NDST4: variants seen among roughly 807,000 people sequenced by gnomAD.
The protein encoded by NDST4 is N-deacetylase and N-sulfotransferase 4, also known as N-heparan sulfate sulfotransferase 4.
In NDST4, 63 loss-of-function variants were observed where a neutral mutation model predicts 100.8. That is an observed-to-expected ratio of 0.62 (90% CI 0.51 to 0.77). The LOEUF (loss-of-function observed/expected upper bound fraction) is 0.77, where lower values mean the gene tolerates loss of function less well. Ranked by LOEUF, NDST4 falls within the 30% of genes least tolerant of loss-of-function variation. The pLI is 0.00. For missense variants in NDST4, 943 were observed against 1,018.4 expected, an observed-to-expected ratio of 0.93 and a Z score of 1.01; for synonymous variants, 377 against 361.8, an observed-to-expected ratio of 1.04 and a Z score of -0.48.
intron 2 of NDST4, among the ~76,000 whole-genome samples, chr4:115,013,370 T>TATATATATATACAC (rs74678897): frequency 0.021 from 1,496 of 71,408 alleles, 47 homozygotes; most frequent in Non-Finnish European, 0.033. Context: ...TATATATATA[T>TATATATATATACAC]ACACACACAT....
At chr4:114,955,570 A>T (rs1726119225) in intron 4 of NDST4, among the ~76,000 whole-genome samples, 1 of 152,204 alleles carries the variant, frequency 6.6e-6, no homozygotes, top group South Asian at 2.1e-4. Context: ...AGCAATAAAG[A>T]TGCTGCTGCC....
intron 7 of NDST4, among the ~76,000 whole-genome samples, chr4:114,865,070 TC>T (rs1161702448): frequency 7.6e-5 from 10 of 131,674 alleles, no homozygotes; most frequent in Non-Finnish European, 1.3e-4. Context: ...CATTTTTTTT[TC>T]TTTTTTTTTT....
intron 2 of NDST4, among the ~76,000 whole-genome samples, chr4:115,060,661 A>T (rs913142101): frequency 6.6e-6 from 1 of 151,986 alleles, no homozygotes; most frequent in Non-Finnish European, 1.5e-5. Context: ...TTATTTGGGA[A>T]GACTGTATAA....
chr4:114,833,773 A>G, intron 11 of NDST4, 58 bp from the exon 12 acceptor site: 1 of 1,081,446 alleles, frequency 9.2e-7, no homozygotes, highest in East Asian at 2.4e-5. Context: ...ATAGACTGTG[A>G]TGCCTTCCTT....
chr4:114,979,713 T>A (rs980207122), intron 2 of NDST4, among the ~76,000 whole-genome samples: 1 of 151,994 alleles, frequency 6.6e-6, no homozygotes, highest in African/African-American at 2.4e-5. Flanking sequence ...GATGGGGGGC[T>A]AGTTAGCTAT....
chr4:114,831,206 CGG>C (rs1560768294), intron 12 of NDST4, among the ~76,000 whole-genome samples: 5 of 146,598 alleles, frequency 3.4e-5, no homozygotes, highest in Admixed American at 1.3e-4. Flanking sequence ...GCGCCCGCCA[CGG>C]CGCCCGGCTA....
chr4:114,891,055 T>C (rs181822753), intron 6 of NDST4, among the ~76,000 whole-genome samples: 97 of 152,164 alleles, frequency 6.4e-4, no homozygotes, highest in African/African-American at 2.2e-3. Context: ...GACTTCCTAG[T>C]TACTAAATTT....
At chr4:114,972,540 G>A (rs114296109) in intron 3 of NDST4, among the ~76,000 whole-genome samples, 2,278 of 152,052 alleles carry the variant, frequency 0.015, 66 homozygotes, top group African/African-American at 0.052. Flanking sequence ...AATATATTAA[G>A]AATATGAAAT....
At chr4:114,834,255 T>A (rs1010905353) in intron 11 of NDST4, among the ~76,000 whole-genome samples, 3 of 152,132 alleles carry the variant, frequency 2.0e-5, no homozygotes, top group Non-Finnish European at 2.9e-5. Context: ...GGCTCACACC[T>A]GTAATCCCAG....
intron 2 of NDST4, among the ~76,000 whole-genome samples, chr4:115,074,290 TTGAATTTGAG>T (rs1729136253): frequency 6.6e-6 from 1 of 151,960 alleles, no homozygotes; most frequent in Non-Finnish European, 1.5e-5. Flanking sequence ...AGTGAAATAG[TTGAATTTGAG>T]CTGGTTAAGT....
At chr4:114,969,003 T>C (rs1726444422) in intron 4 of NDST4, among the ~76,000 whole-genome samples, 2 of 152,172 alleles carry the variant, frequency 1.3e-5, no homozygotes, top group South Asian at 2.1e-4. Context: ...CACACTAAAA[T>C]ATGAGAGCCA....
intron 7 of NDST4, among the ~76,000 whole-genome samples, chr4:114,866,710 A>T (rs965471190): frequency 2.6e-5 from 4 of 152,186 alleles, no homozygotes; most frequent in Non-Finnish European, 5.9e-5. Context: ...TGGTAAGTGC[A>T]GTAATATAAT....
At chr4:115,000,809 AC>A (rs1399207086) in intron 2 of NDST4, among the ~76,000 whole-genome samples, 1 of 152,132 alleles carries the variant, frequency 6.6e-6, no homozygotes, top group Non-Finnish European at 1.5e-5. Flanking sequence ...AAGACCACAG[AC>A]TAAGGAGCTG....
chr4:115,046,750 T>G (rs1728471907), intron 2 of NDST4, among the ~76,000 whole-genome samples: 1 of 152,282 alleles, frequency 6.6e-6, no homozygotes, highest in East Asian at 1.9e-4. Flanking sequence ...TATTCAGGAA[T>G]TTGAAGAATG....
At chr4:114,910,132 T>A (rs547068441) in intron 6 of NDST4, among the ~76,000 whole-genome samples, 7 of 152,146 alleles carry the variant, frequency 4.6e-5, no homozygotes, top group Admixed American at 2.0e-4. Context: ...AGAGATATGA[T>A]CACAGGTTGG....
intron 2 of NDST4, among the ~76,000 whole-genome samples, chr4:115,042,517 A>T (rs1316061335): frequency 6.6e-6 from 1 of 152,138 alleles, no homozygotes; most frequent in South Asian, 2.1e-4. Flanking sequence ...CATAACTTAT[A>T]TTACAGTATA....
At chr4:114,947,486 A>C (rs935346688) in intron 4 of NDST4, among the ~76,000 whole-genome samples, 1 of 152,100 alleles carries the variant, frequency 6.6e-6, no homozygotes, top group Non-Finnish European at 1.5e-5. Flanking sequence ...AGATGTTTTT[A>C]TATTTAATTT....
At chr4:115,086,929 G>C (rs1220295231) in intron 1 of NDST4, among the ~76,000 whole-genome samples, 1 of 152,020 alleles carries the variant, frequency 6.6e-6, no homozygotes, top group Admixed American at 6.6e-5. Context: ...TAGAGTAGTA[G>C]AAATGCTATC....
intron 1 of NDST4, among the ~76,000 whole-genome samples, chr4:115,089,296 A>ATG (rs1729467913): frequency 6.6e-6 from 1 of 151,976 alleles, no homozygotes; most frequent in Admixed American, 6.6e-5. Context: ...GCTCAACAAA[A>ATG]TATTGATCGT....
Sources: gnomAD v4.1 joint callset for allele counts (sites outside exome capture counted in the v4.1 genomes callset) on GRCh38, gnomAD v4.1.1 for gene constraint, MANE v1.5 for transcripts, NCBI Gene and HGNC (gene_info 2026-07-23, HGNC 2026-07-21) for gene names.